The following ARPC3 variants were observed in gnomAD, a reference collection of about 807,000 sequenced individuals.
The protein encoded by ARPC3 is actin related protein 2/3 complex subunit 3.
ARPC3 carries 12 observed loss-of-function variants against 27.6 expected under a neutral mutation model. That is an observed-to-expected ratio of 0.43 (90% CI 0.28 to 0.70). The LOEUF (loss-of-function observed/expected upper bound fraction) is 0.70. Among genes scored for constraint, ARPC3 ranks in the 30% least tolerant of loss-of-function variants. The pLI, the probability that ARPC3 is intolerant of heterozygous loss-of-function variation, is 0.17. For missense variants in ARPC3, 153 were observed against 207.7 expected (o/e 0.74, Z 1.62); for synonymous variants, 53 against 67.2 (o/e 0.79, Z 1.03).
At chr12:110,440,227 T>C in intron 3 of ARPC3, 85 bp downstream of exon 3, 1 of 911,626 alleles carries the variant, frequency 1.1e-6, no homozygotes, top group Non-Finnish European at 1.8e-6. Context: ...TTCATTTTAT[T>C]TTCTCCTCAC....
chr12:110,436,297 T>G (rs2062403496), intron 5 of ARPC3, 93 bp from the exon 6 acceptor site: 1 of 1,155,348 alleles, frequency 8.7e-7, no homozygotes, highest in Non-Finnish European at 1.3e-6. Flanking sequence ...TAATACATTT[T>G]TATACATTTG....
chr12:110,435,267 G>T lies in ARPC3; in HGVS notation c.475-50C>A, dbSNP rs761201859. 5 of 1,323,890 alleles carry T rather than the reference G, an allele frequency of 3.8e-6. No homozygotes were observed. The Admixed American group carries it at 5.1e-5, about 14-fold the overall frequency. The allele number at this position is 1,323,890 out of a possible 1,614,324, so 82.0% of individuals were successfully genotyped here. A position where few individuals can be genotyped will look rare whatever the true frequency, so the allele number is the denominator to read the frequency against. On this transcript the variant is annotated intron_variant, in intron 6 of 6. Transcript: ENST00000228825. ...TGAACAGCGGGGTCAAATTACAATA[G>T]AATTTGCATTTATTTAATAATAAAA...
At chr12:110,436,905 G>A in intron 4 of ARPC3, 179 bp downstream of exon 4, 1 of 674,064 alleles carries the variant, frequency 1.5e-6, no homozygotes, top group African/African-American at 1.8e-5. Flanking sequence ...CTTTGTGTCA[G>A]TCAATTATAC....
rs770537788 is a variant in ARPC3 at position 110,436,660 on chromosome 12, C to T, written c.276G>A (p.Glu92=). The T allele has an allele frequency of 3.5e-5, 56 of 1,603,212 alleles. No individual in the cohort carries two copies. The highest frequency in any genetic ancestry group is 3.3e-4 in the Middle Eastern group (2 of 6,016). ...LQKCNSKSQG[E]KEMYTLGITN... is the part of the protein sequence containing the mutation. ...TGATTCCCAGCGTATACATTTCTTTCTCACCTTGGCTTTTGGAATTGCACT... is the reference window on the plus strand; with the variant it reads ...TGATTCCCAGCGTATACATTTCTTTTTCACCTTGGCTTTTGGAATTGCACT... Residue 92 remains glutamate, a synonymous_variant, in exon 5 of 7, where the codon GAG becomes GAA. Transcript: ENST00000228825.
rs182879250 is a variant in ARPC3 at position 110,435,538 on chromosome 12, G to A, written c.475-321C>T. On this transcript the variant is annotated intron_variant, in intron 6 of 6. Transcript: ENST00000228825. ...GTAGAGACGGGGTTTCACCATGTTA[G>A]CCAGGATGGTCTCAATCTCCTGACC... Among the ~76,000 whole-genome samples the A allele has an allele frequency of 6.8e-3, 1,039 of 152,202 alleles. 1 individual carries two copies. The highest frequency in any genetic ancestry group is 9.4e-3 in the Non-Finnish European group (636 of 68,008).
Position 110,435,204 on chromosome 12 carries a change from A to G in ARPC3, c.488T>C (p.Phe163Ser). The G allele has an allele frequency of 1.2e-6, 2 of 1,613,880 alleles. No individual in the cohort carries two copies. Among genetic ancestry groups the G allele is most frequent in the Non-Finnish European group, 1.7e-6 (2 of 1,179,770 alleles). Residue 163 changes from phenylalanine (F) to serine (S), a missense_variant, in exon 7 of 7, where the codon TTT (phenylalanine) becomes TCT (serine). By Grantham distance (155) the Phe-to-Ser change is radical. Coordinates refer to ENST00000228825, the MANE Select transcript of ARPC3 (RefSeq NM_001278556.2). ...NDKPSKWWTCFVKRQFMNKSL... is the reference protein window; with the variant it reads ...NDKPSKWWTCSVKRQFMNKSL... ...CTTGTTCATGAACTGTCTCTTCACAAAGCAAGTCCACCACTAACAAGAGAG... is the reference window on the plus strand; with the variant it reads ...CTTGTTCATGAACTGTCTCTTCACAGAGCAAGTCCACCACTAACAAGAGAG...
At chr12:110,435,914 C>G (rs2062401508) in intron 6 of ARPC3, among the ~76,000 whole-genome samples, 196 bp downstream of exon 6, 1 of 152,256 alleles carries the variant, frequency 6.6e-6, no homozygotes, top group South Asian at 2.1e-4. Flanking sequence ...GCGTGAGCCA[C>G]TGCGCCCGGC....
chr12:110,442,759 C>G (rs1186668234), intron 2 of ARPC3: 2 of 151,926 alleles, frequency 1.3e-5, no homozygotes, highest in Non-Finnish European at 2.9e-5. Context: ...TTTATGAAAA[C>G]TATGACTTAA....
At chr12:110,448,652 C>CAAAAAAAAA (rs34460720) in intron 1 of ARPC3, among the ~76,000 whole-genome samples, 1 of 115,188 alleles carries the variant, frequency 8.7e-6, no homozygotes. Flanking sequence ...CACCCTGTCT[C>CAAAAAAAAA]AAAAAAAAAA....
intron 1 of ARPC3, among the ~76,000 whole-genome samples, chr12:110,446,185 C>T (rs1355369008): frequency 6.7e-6 from 1 of 149,694 alleles, no homozygotes. Flanking sequence ...GAAGGAGTCT[C>T]ACCATGTTGC....
chr12:110,450,261 C>G lies in ARPC3; in HGVS notation c.-1G>C. On this transcript the variant is annotated 5_prime_UTR_variant, in exon 1 of 7. Transcript: ENST00000228825. ...CCGTGGATCGAACCCTCACCGGCAT[C>G]TTGGCGGCGCCCGGGTTTCAACCCA... The G allele has an allele frequency of 1.2e-6, 2 of 1,614,128 alleles. No individual in the cohort carries two copies. The highest frequency in any genetic ancestry group is 1.7e-6 in the Non-Finnish European group (2 of 1,179,980).
rs542211245 is a variant in ARPC3, at chr12:110,436,092, G to C, written c.474+18C>G. ...AAAAGGTGATTTACCAATTAAGCAG[G>C]CAAGAAGAGGGTCTTACCTTGCTGG... is the stretch of plus-strand genomic sequence containing the variant. On this transcript the variant is annotated intron_variant, in intron 6 of 6. Coordinates refer to ENST00000228825, the MANE Select transcript of ARPC3 (RefSeq NM_001278556.2). 1 of 1,588,390 alleles carries C rather than the reference G, an allele frequency of 6.3e-7. No homozygotes were observed. Among genetic ancestry groups the C allele is most frequent in the South Asian group, 1.1e-5 (1 of 90,594 alleles).
At chr12:110,440,498 T>G in intron 2 of ARPC3, 110 bp from the exon 3 acceptor site, 1 of 735,114 alleles carries the variant, frequency 1.4e-6, no homozygotes, top group South Asian at 1.5e-5. Flanking sequence ...AGTTGTGGAG[T>G]TGAATAAAAT....
Position 110,445,453 on chromosome 12 carries a change from C to A in ARPC3, c.105G>T (p.Glu35Asp). ...RSQFKGPAPR[E>D]TKDTDIVDEA... is the part of the protein sequence containing the mutation. ...TGAAAATAATGGGTTTAGACTTACT[C>A]TCTCTGGGGGCAGGTCCTTTGAATT... The change falls in exon 2 of 7, where the codon GAG (glutamate) becomes GAT (aspartate). Residue 35 changes from glutamate (E) to aspartate (D), a missense_variant and splice_region_variant. Glu to Asp is a conservative substitution (Grantham distance 45, BLOSUM62 2). Transcript: ENST00000228825. 1.9e-6 allele frequency: 3 copies of A among 1,603,286 alleles called. No homozygotes were observed. Among genetic ancestry groups the A allele is most frequent in the Non-Finnish European group, 2.6e-6 (3 of 1,170,144 alleles).
chr12:110,438,210 C>T (rs1175104289), intron 3 of ARPC3, among the ~76,000 whole-genome samples: 1 of 150,934 alleles, frequency 6.6e-6, no homozygotes. Context: ...GCCACAGAAT[C>T]GCTTGAAGCC....
In ARPC3 at chr12:110,436,649, T is replaced by C. The variant is rs151211238; in HGVS notation, c.287A>G (p.Tyr96Cys). The C allele has an allele frequency of 1.4e-5, 22 of 1,609,748 alleles. No individual in the cohort carries two copies. Among genetic ancestry groups the C allele is most frequent in the Non-Finnish European group, 1.8e-5 (21 of 1,178,766 alleles). ...NSKSQGEKEM[Y>C]TLGITNFPIP... ...GGGAAAATTAGTGATTCCCAGCGTATACATTTCTTTCTCACCTTGGCTTTT... is the reference window on the plus strand; with the variant it reads ...GGGAAAATTAGTGATTCCCAGCGTACACATTTCTTTCTCACCTTGGCTTTT... Residue 96 changes from tyrosine (Y) to cysteine (C), a missense_variant, in exon 5 of 7, where the codon TAT becomes TGT. Physicochemically the swap from Tyr to Cys is radical, Grantham distance 194. Coordinates refer to ENST00000228825, the MANE Select transcript of ARPC3 (RefSeq NM_001278556.2).
intron 2 of ARPC3, among the ~76,000 whole-genome samples, chr12:110,441,276 G>T: frequency 6.6e-6 from 1 of 151,838 alleles, no homozygotes; most frequent in South Asian, 2.1e-4. Context: ...GGGATTATAC[G>T]CATGTACCAC....
chr12:110,443,836 G>A (rs1022285413), intron 2 of ARPC3, among the ~76,000 whole-genome samples: 4 of 152,192 alleles, frequency 2.6e-5, no homozygotes, highest in African/African-American at 9.6e-5. Context: ...AGGGGGCAAA[G>A]GCCAAAGGAT....
At chr12:110,448,721 C>A (rs1167498375) in intron 1 of ARPC3, among the ~76,000 whole-genome samples, 1 of 147,642 alleles carries the variant, frequency 6.8e-6, no homozygotes, top group Non-Finnish European at 1.5e-5. Flanking sequence ...TTATCTAAAG[C>A]AGCCTCCGCC....
Sources: gnomAD v4.1 joint callset for allele counts (sites outside exome capture counted in the v4.1 genomes callset) on GRCh38, gnomAD v4.1.1 for gene constraint, MANE v1.5 for transcripts, NCBI Gene and HGNC (gene_info 2026-07-23, HGNC 2026-07-21) for gene names.